Variants in ABCA13 observed in about 807,000 individuals in gnomAD.
ABCA13 encodes the protein ATP-binding cassette sub-family A member 13.
ABCA13 carries 476 observed loss-of-function variants against 478.7 expected under a neutral mutation model. That is an observed-to-expected ratio of 0.99 (90% confidence interval 0.92 to 1.07). ABCA13 has a LOEUF of 1.07. ABCA13 is among the 50% of genes least tolerant of loss of function. The pLI, the probability that ABCA13 is intolerant of heterozygous loss-of-function variation, is 0.00. For missense variants in ABCA13, 6,060 were observed against 5,910.6 expected (o/e 1.03, Z -0.83); for synonymous variants, 2,252 against 2,158.9 (o/e 1.04, Z -1.20).
chr7:48,619,573 G>A (rs913909185), intron 59 of ABCA13, among the ~76,000 whole-genome samples: 1 of 152,176 alleles, frequency 6.6e-6, no homozygotes, highest in Non-Finnish European at 1.5e-5. Context: ...GCCTGCTTTG[G>A]TACTCACAAG....
intron 42 of ABCA13, among the ~76,000 whole-genome samples, chr7:48,452,587 A>G (rs1825175982): frequency 6.6e-6 from 1 of 152,248 alleles, no homozygotes; most frequent in Non-Finnish European, 1.5e-5. Flanking sequence ...GCAGGTATTT[A>G]CAGCCATTTC....
intron 32 of ABCA13, among the ~76,000 whole-genome samples, chr7:48,368,433 G>A (rs1027130140): frequency 5.3e-5 from 8 of 151,840 alleles, no homozygotes; most frequent in African/African-American, 1.7e-4. Flanking sequence ...CCTGTACCCA[G>A]TGTATAGTCT....
At chr7:48,194,747 C>T (rs1157237150) in intron 2 of ABCA13, among the ~76,000 whole-genome samples, 1 of 152,102 alleles carries the variant, frequency 6.6e-6, no homozygotes, top group Non-Finnish European at 1.5e-5. Context: ...ATCAGTTTGT[C>T]TTTGTTGTTT....
intron 42 of ABCA13, among the ~76,000 whole-genome samples, chr7:48,447,697 C>T (rs758713456): frequency 1.9e-4 from 29 of 152,172 alleles, no homozygotes; most frequent in Non-Finnish European, 4.1e-4. Flanking sequence ...GAAGGCAATA[C>T]ATAGATAGGG....
chr7:48,468,031 A>G (rs1262159380), intron 44 of ABCA13, among the ~76,000 whole-genome samples: 2 of 152,170 alleles, frequency 1.3e-5, no homozygotes, highest in Non-Finnish European at 2.9e-5. Context: ...AGGGTGTAAA[A>G]TATGTCTACC....
chr7:48,544,104 G>A (rs898354800), intron 55 of ABCA13, among the ~76,000 whole-genome samples: 1 of 151,462 alleles, frequency 6.6e-6, no homozygotes, highest in African/African-American at 2.4e-5. Flanking sequence ...TAAAATGGAA[G>A]ATTAGCATAA....
At chr7:48,524,162 T>G in intron 53 of ABCA13, 86 bp from the exon 54 acceptor site, 1 of 1,309,520 alleles carries the variant, frequency 7.6e-7, no homozygotes. Context: ...CTTCAATTTT[T>G]TACAAATCTC....
At position 48,273,615 on chromosome 7, in the gene ABCA13, G is replaced by A; in HGVS notation, c.3949G>A (p.Gly1317Arg). The change falls in exon 17 of 62, where the codon GGA becomes AGA. Residue 1317 changes from glycine (G) to arginine (R), a missense_variant. Gly to Arg is a moderately radical substitution (Grantham distance 125). Coordinates refer to ENST00000435803, the MANE Select transcript of ABCA13 (RefSeq NM_152701.5). ...DFLSNNLTNY[G>R]EKFENIITEL... ...TCTTTCAAATAATCTCACAAATTAT[G>A]GAGAAAAATTTGAAAATATCATCAC... The A allele has an allele frequency of 6.2e-7, 1 of 1,600,084 alleles. No individual in the cohort carries two copies. The highest frequency in any genetic ancestry group is 8.5e-7 in the Non-Finnish European group (1 of 1,172,266).
chr7:48,341,792 C>G (rs1291982867), intron 29 of ABCA13, among the ~76,000 whole-genome samples: 1 of 116,034 alleles, frequency 8.6e-6, no homozygotes, highest in East Asian at 2.4e-4. Flanking sequence ...TCATGTCCAC[C>G]TTGTCTTCTT....
Position 48,573,945 on chromosome 7 carries a change from T to C in ABCA13, c.14355-6279T>C, listed in dbSNP as rs183812838. 1.2e-3 allele frequency among the ~76,000 whole-genome samples: 181 copies of C among 152,222 alleles called. 3 individuals carry two copies. The highest frequency in any genetic ancestry group is 4.0e-3 in the African/African-American group (168 of 41,548). Reference sequence around the variant, plus strand: ...CTCTGTGTGTTTATATAGTCTTCCCTCTATATATGTGTCTGTGTCCACATT... The same window carrying C: ...CTCTGTGTGTTTATATAGTCTTCCCCCTATATATGTGTCTGTGTCCACATT... On this transcript the variant is annotated intron_variant, in intron 55 of 61. Coordinates refer to ENST00000435803, the MANE Select transcript of ABCA13 (RefSeq NM_152701.5).
chr7:48,450,952 T>A lies in ABCA13; in HGVS notation c.12566-4085T>A, dbSNP rs189381412. 8.6e-5 allele frequency among the ~76,000 whole-genome samples: 13 copies of A among 152,036 alleles called. No homozygotes were observed. The East Asian group carries it at 2.3e-3, about 27-fold the overall frequency. On this transcript the variant is annotated intron_variant, in intron 42 of 61. Transcript: ENST00000435803. ...TACCTACACATTAAATACTTGTTTCTTGCCTCTTGTTATTATATTCTTTTT... is the reference window on the plus strand; with the variant it reads ...TACCTACACATTAAATACTTGTTTCATGCCTCTTGTTATTATATTCTTTTT...
In ABCA13 at chr7:48,273,887, G is replaced by A. The variant is rs764550533; in HGVS notation, c.4221G>A (p.Leu1407=). 5.8e-5 allele frequency: 94 copies of A among 1,612,624 alleles called. No individual in the cohort carries two copies. The highest frequency in any genetic ancestry group is 7.9e-5 in the Non-Finnish European group (93 of 1,179,232). The change falls in exon 17 of 62, where the codon TTG becomes TTA. Residue 1407 remains leucine (L), a synonymous_variant. Coordinates refer to ENST00000435803, the MANE Select transcript of ABCA13 (RefSeq NM_152701.5). ...WLDVINHLYL[L]SNSSFSQGHL... ...ATGTCATAAACCATTTGTATTTGTT[G>A]TCTAACTCCAGTTTTTCACAAGGTC...
chr7:48,190,393 T>C (rs757440510), intron 1 of ABCA13, among the ~76,000 whole-genome samples: 13 of 152,212 alleles, frequency 8.5e-5, no homozygotes, highest in Non-Finnish European at 1.6e-4. Flanking sequence ...TAGAGTAATA[T>C]ATTTGGTGTT....
At chr7:48,416,256 T>C (rs1819966197) in intron 41 of ABCA13, among the ~76,000 whole-genome samples, 1 of 152,238 alleles carries the variant, frequency 6.6e-6, no homozygotes, top group African/African-American at 2.4e-5. Context: ...GAACTGTCAC[T>C]GTGGCCACAG....
intron 58 of ABCA13, among the ~76,000 whole-genome samples, chr7:48,609,600 A>G (rs1166711007): frequency 6.6e-6 from 1 of 152,202 alleles, no homozygotes; most frequent in Non-Finnish European, 1.5e-5. Flanking sequence ...AAATCAGTAT[A>G]ATCAAGAATG....
chr7:48,600,612 T>C (rs1563490159), intron 58 of ABCA13, among the ~76,000 whole-genome samples: 1 of 152,160 alleles, frequency 6.6e-6, no homozygotes. Flanking sequence ...ATAGTATACG[T>C]CTTGATGCTA....
chr7:48,476,636 C>A (rs767425854), intron 45 of ABCA13, among the ~76,000 whole-genome samples: 8 of 152,090 alleles, frequency 5.3e-5, no homozygotes, highest in Admixed American at 1.3e-4. Flanking sequence ...GTGGATCCTG[C>A]CAGGTTATAA....
At chr7:48,455,367 T>A in intron 43 of ABCA13, 81 bp downstream of exon 43, 1 of 1,458,550 alleles carries the variant, frequency 6.9e-7, no homozygotes, top group Non-Finnish European at 9.2e-7. Flanking sequence ...CTTTTGAGAA[T>A]TCTAGATAAA....
chr7:48,426,668 A>T (rs758189882), intron 41 of ABCA13, among the ~76,000 whole-genome samples: 21 of 152,200 alleles, frequency 1.4e-4, no homozygotes, highest in Non-Finnish European at 2.6e-4. Flanking sequence ...ATACGTGCAG[A>T]GGAAGGGGTG....
Sources: gnomAD v4.1 joint callset for allele counts (sites outside exome capture counted in the v4.1 genomes callset) on GRCh38, gnomAD v4.1.1 for gene constraint, MANE v1.5 for transcripts, NCBI Gene and HGNC (gene_info 2026-07-23, HGNC 2026-07-21) for gene names.